Variants in PDE4D observed in about 807,000 individuals in gnomAD.
PDE4D encodes phosphodiesterase 4D, also known as 3',5'-cyclic-AMP phosphodiesterase 4D.
PDE4D carries 24 observed loss-of-function variants against 87.4 expected under a neutral mutation model. The observed-to-expected ratio is 0.27, with a 90% confidence interval of 0.20 to 0.39. The LOEUF is 0.39. Among genes scored for constraint, PDE4D ranks in the 10% least tolerant of loss-of-function variants. The pLI is 1.00. For missense variants in PDE4D, 714 were observed against 1,041.0 expected (o/e 0.69, Z 4.32); for synonymous variants, 384 against 383.2 (o/e 1.00, Z -0.02).
intron 1 of PDE4D, among the ~76,000 whole-genome samples, chr5:59,576,720 G>A (rs1263912266): frequency 1.3e-5 from 2 of 152,130 alleles, no homozygotes; most frequent in Non-Finnish European, 2.9e-5. Context: ...TGTGTGCAGT[G>A]AAGATCTCAC....
chr5:59,353,076 C>T (rs766799993), intron 1 of PDE4D, among the ~76,000 whole-genome samples: 1 of 152,142 alleles, frequency 6.6e-6, no homozygotes. Context: ...TTCAAATGTA[C>T]CTTGAGTGAC....
At chr5:59,580,372 A>T (rs191334326) in intron 1 of PDE4D, among the ~76,000 whole-genome samples, 1 of 152,236 alleles carries the variant, frequency 6.6e-6, no homozygotes, top group Non-Finnish European at 1.5e-5. Context: ...AACATATGGC[A>T]TGCAGAGGAG....
chr5:59,333,172 G>A (rs546223562), intron 1 of PDE4D, among the ~76,000 whole-genome samples: 27 of 152,068 alleles, frequency 1.8e-4, no homozygotes, highest in Non-Finnish European at 3.2e-4. Flanking sequence ...TTACAAATCC[G>A]CGAATCCAGT....
chr5:59,914,134 C>T (rs1301227934), intron 3 of PDE4D, among the ~76,000 whole-genome samples: 1 of 152,104 alleles, frequency 6.6e-6, no homozygotes, highest in Non-Finnish European at 1.5e-5. Flanking sequence ...TTATTTAATA[C>T]ATATGAATAA....
chr5:59,455,316 C>T (rs951973023), intron 1 of PDE4D, among the ~76,000 whole-genome samples: 2 of 152,158 alleles, frequency 1.3e-5, no homozygotes, highest in South Asian at 2.1e-4. Context: ...GCCCTGTGTC[C>T]CAGCCACTTC....
intron 1 of PDE4D, among the ~76,000 whole-genome samples, chr5:59,283,576 C>A (rs1395170614): frequency 2.0e-5 from 3 of 151,950 alleles, no homozygotes; most frequent in Admixed American, 6.6e-5. Context: ...CTAATTTTTC[C>A]CACCCTATAT....
chr5:59,982,303 A>T (rs1008655789), intron 3 of PDE4D, among the ~76,000 whole-genome samples: 1 of 152,212 alleles, frequency 6.6e-6, no homozygotes, highest in Non-Finnish European at 1.5e-5. Flanking sequence ...GTGTGTCATC[A>T]TGTCACAAGG....
At chr5:59,922,463 G>C (rs1306618261) in intron 3 of PDE4D, among the ~76,000 whole-genome samples, 1 of 152,126 alleles carries the variant, frequency 6.6e-6, no homozygotes, top group African/African-American at 2.4e-5. Context: ...CACCTAAGGA[G>C]AGGAGAGGGA....
chr5:59,235,283 G>A (rs1756155681), intron 1 of PDE4D, among the ~76,000 whole-genome samples: 1 of 152,144 alleles, frequency 6.6e-6, no homozygotes, highest in African/African-American at 2.4e-5. Flanking sequence ...AACCTGTCCT[G>A]GGTGAGACAA....
chr5:60,197,082 T>TAGAC (rs1181739475), intron 1 of PDE4D, among the ~76,000 whole-genome samples: 4 of 83,694 alleles, frequency 4.8e-5, no homozygotes, highest in African/African-American at 9.6e-5. Flanking sequence ...GACAGTTAGA[T>TAGAC]AGATAGATAG....
Position 60,495,672 on chromosome 5 carries a change from G to A in PDE4D, n.70+26379C>T, listed in dbSNP as rs150434419. ...CTAAGTGAAAATTGCACATGGGTGCGGAAGTATGGTAGCAAGCCAGGAGTT... is the reference window on the plus strand; with the variant it reads ...CTAAGTGAAAATTGCACATGGGTGCAGAAGTATGGTAGCAAGCCAGGAGTT... On this transcript the variant is annotated intron_variant and non_coding_transcript_variant, in intron 1 of 2. Coordinates refer to the PDE4D transcript ENST00000506510. 1.3e-3 allele frequency among the ~76,000 whole-genome samples: 197 copies of A among 152,320 alleles called. 1 individual carries two copies. The highest frequency in any genetic ancestry group is 3.6e-3 in the African/African-American group (148 of 41,566).
chr5:59,730,355 C>T (rs1580729991), intron 1 of PDE4D, among the ~76,000 whole-genome samples: 1 of 152,076 alleles, frequency 6.6e-6, no homozygotes, highest in East Asian at 1.9e-4. Flanking sequence ...GTTTCTGCTT[C>T]CAAACCAGGG....
At chr5:59,756,509 T>TACACACACACACACACACAC (rs3062590) in intron 1 of PDE4D, among the ~76,000 whole-genome samples, 1,925 of 144,990 alleles carry the variant, frequency 0.013, 39 homozygotes, top group East Asian at 0.059. Context: ...ACCCAAAACA[T>TACACACACACACACACACAC]ACACACACAC....
chr5:59,193,517 C>A lies in PDE4D; in HGVS notation c.667G>T (p.Val223Leu). 6.2e-7 allele frequency: 1 copy of A among 1,613,702 alleles called. No homozygotes were observed. The highest frequency in any genetic ancestry group is 8.5e-7 in the Non-Finnish European group (1 of 1,179,766). Residue 223 changes from valine to leucine, a missense_variant, in exon 3 of 15, where the codon GTG becomes TTG. Val to Leu is a conservative substitution (Grantham distance 32). This residue lies in a region of PDE4D where 90 missense variants were observed against 177.6 expected (regional missense o/e 0.51). Transcript: ENST00000340635. ...ASDIHGDDLI[V>L]TPFAQVLASL... ...GTGCTTACCTGAGCAAATGGAGTCACAATCAAGTCATCTCCGTGTCTGAAA... is the reference window on the plus strand; with the variant it reads ...GTGCTTACCTGAGCAAATGGAGTCAAAATCAAGTCATCTCCGTGTCTGAAA...
chr5:59,119,605 T>C lies in PDE4D; in HGVS notation c.808+60990A>G, dbSNP rs371763516. Among the ~76,000 whole-genome samples, 135 of 152,328 alleles carry C rather than the reference T, an allele frequency of 8.9e-4. 1 individual carries two copies. The highest frequency in any genetic ancestry group is 8.7e-3 in the South Asian group (42 of 4,826). On this transcript the variant is annotated intron_variant, in intron 5 of 14. Transcript: ENST00000340635. Reference sequence around the variant, plus strand: ...CAAAGGAAATAATGGAAGACTATCATAAAGAAAGCTTAAAATATGGTGACT... The same window carrying C: ...CAAAGGAAATAATGGAAGACTATCACAAAGAAAGCTTAAAATATGGTGACT...
At chr5:59,322,129 TAA>T (rs1774829598) in intron 1 of PDE4D, among the ~76,000 whole-genome samples, 1 of 152,138 alleles carries the variant, frequency 6.6e-6, no homozygotes, top group Non-Finnish European at 1.5e-5. Flanking sequence ...CAGGACTAAT[TAA>T]GACACACTAT....
chr5:60,264,537 C>T (rs914499102), intron 1 of PDE4D, among the ~76,000 whole-genome samples: 2 of 152,220 alleles, frequency 1.3e-5, no homozygotes, highest in African/African-American at 4.8e-5. Flanking sequence ...AAGAGGGAGG[C>T]ACTAAAGTCC....
intron 1 of PDE4D, among the ~76,000 whole-genome samples, chr5:59,352,022 C>A (rs1780608005): frequency 6.6e-6 from 1 of 152,110 alleles, no homozygotes; most frequent in Non-Finnish European, 1.5e-5. Context: ...CACACCTGTG[C>A]AGGTTTCTTA....
At chr5:59,593,946 G>A (rs1826272019) in intron 1 of PDE4D, among the ~76,000 whole-genome samples, 2 of 152,266 alleles carry the variant, frequency 1.3e-5, no homozygotes, top group African/African-American at 2.4e-5. Context: ...ATCTGCTGAA[G>A]CTTGGTTCTT....
Sources: gnomAD v4.1 joint callset for allele counts (sites outside exome capture counted in the v4.1 genomes callset) on GRCh38, gnomAD v4.1.1 for gene constraint, gnomAD v4.1.1 regional missense constraint, MANE v1.5 for transcripts, NCBI Gene and HGNC (gene_info 2026-07-23, HGNC 2026-07-21) for gene names.